The following DSCAML1 variants were observed in gnomAD, a reference collection of about 807,000 sequenced individuals.
DSCAML1 encodes the protein cell adhesion molecule DSCAML1.
Under a neutral mutation model 200.5 loss-of-function variants are expected in DSCAML1, and 38 were observed. That is an observed-to-expected ratio of 0.19 (90% CI 0.15 to 0.25). The LOEUF (loss-of-function observed/expected upper bound fraction) is 0.25, where lower values mean the gene tolerates loss of function less well. Ranked by LOEUF, DSCAML1 falls within the 10% of genes least tolerant of loss-of-function variation. The probability of loss-of-function intolerance (pLI) is 1.00; values close to 1 mark genes in which losing one functional copy is unlikely to be tolerated. For synonymous variants in DSCAML1, 1,215 were observed against 1,165.0 expected (o/e 1.04, Z -0.87); for missense variants, 2,223 against 2,858.8 (o/e 0.78, Z 5.07).
intron 3 of DSCAML1, among the ~76,000 whole-genome samples, chr11:117,703,771 A>G (rs556902412): frequency 4.6e-4 from 70 of 152,240 alleles, no homozygotes; most frequent in Non-Finnish European, 9.1e-4. Flanking sequence ...CAAAATGTCT[A>G]TCTCTAGAGC....
intron 3 of DSCAML1, among the ~76,000 whole-genome samples, chr11:117,638,636 GT>G (rs1004590872): frequency 6.6e-6 from 1 of 152,206 alleles, no homozygotes; most frequent in East Asian, 1.9e-4. Context: ...ACAATATGTA[GT>G]TTTTTTGACT....
At position 117,559,908 on chromosome 11, in the gene DSCAML1, G is replaced by T. The variant is rs191332797; in HGVS notation, c.512-27386C>A. ...ATACAGGAAGGAAGGGCCTAGAGTT[G>T]GGGGGAGGGGCAAAGGGCTAGGTAG... On this transcript the variant is annotated intron_variant, in intron 3 of 32. Transcript: ENST00000651296. 1.1e-3 allele frequency among the ~76,000 whole-genome samples: 172 copies of T among 152,176 alleles called. 5 individuals are homozygous for T. Among genetic ancestry groups the T allele is most frequent in the Admixed American group, 0.011 (170 of 15,298 alleles).
chr11:117,646,660 A>C (rs2052528059), intron 3 of DSCAML1, among the ~76,000 whole-genome samples: 1 of 152,176 alleles, frequency 6.6e-6, no homozygotes, highest in Non-Finnish European at 1.5e-5. Context: ...ATGGTTAGTG[A>C]CATCGTGTTG....
intron 3 of DSCAML1, among the ~76,000 whole-genome samples, chr11:117,712,774 C>T (rs1018077485): frequency 2.0e-5 from 3 of 151,980 alleles, no homozygotes; most frequent in African/African-American, 7.3e-5. Flanking sequence ...AAGTGACGAC[C>T]GTTCTCGCCA....
At chr11:117,743,047 C>T (rs2054451193) in intron 3 of DSCAML1, among the ~76,000 whole-genome samples, 1 of 152,232 alleles carries the variant, frequency 6.6e-6, no homozygotes, top group Admixed American at 6.5e-5. Context: ...GTCCATCCAT[C>T]AATCCATTCA....
At chr11:117,714,057 C>A (rs186141079) in intron 3 of DSCAML1, among the ~76,000 whole-genome samples, 5 of 152,280 alleles carry the variant, frequency 3.3e-5, no homozygotes, top group East Asian at 1.9e-4. Flanking sequence ...CCTGAGTCCG[C>A]GTTTCTGCAT....
intron 3 of DSCAML1, among the ~76,000 whole-genome samples, chr11:117,535,276 T>G (rs2137351136): frequency 6.6e-6 from 1 of 152,328 alleles, no homozygotes; most frequent in East Asian, 1.9e-4. Flanking sequence ...ACTTTCCCTC[T>G]CTCTGTCCTT....
At chr11:117,757,573 TACACACACACACACACACACAC>T (rs5795104) in intron 3 of DSCAML1, among the ~76,000 whole-genome samples, 7,656 of 146,892 alleles carry the variant, frequency 0.052, 653 homozygotes, top group African/African-American at 0.17. Flanking sequence ...TAGGAGCCTA[TACACACACACACACACACACAC>T]ACACACACAC....
At chr11:117,602,592 C>G (rs2051485524) in intron 3 of DSCAML1, among the ~76,000 whole-genome samples, 1 of 152,042 alleles carries the variant, frequency 6.6e-6, no homozygotes, top group Non-Finnish European at 1.5e-5. Flanking sequence ...AACTCCTAAG[C>G]TCAAGTGATC....
intron 3 of DSCAML1, among the ~76,000 whole-genome samples, chr11:117,576,417 C>T (rs182586973): frequency 3.9e-5 from 6 of 152,310 alleles, no homozygotes; most frequent in Admixed American, 2.6e-4. Flanking sequence ...AGCACAAGGC[C>T]GCTTTCCCAA....
At chr11:117,785,216 G>A (rs1049116529) in intron 1 of DSCAML1, among the ~76,000 whole-genome samples, 1 of 152,342 alleles carries the variant, frequency 6.6e-6, no homozygotes, top group African/African-American at 2.4e-5. Context: ...AGGGGGAGCA[G>A]GAAAGGGGGT....
chr11:117,681,708 C>T (rs564399160), intron 3 of DSCAML1, among the ~76,000 whole-genome samples: 3 of 152,294 alleles, frequency 2.0e-5, no homozygotes, highest in African/African-American at 7.2e-5. Flanking sequence ...ACAGAAAACC[C>T]ACATGGGAAT....
chr11:117,521,175 G>A lies in DSCAML1; in HGVS notation c.1168C>T (p.Arg390Cys), dbSNP rs745452401. The A allele has an allele frequency of 1.9e-6, 3 of 1,614,150 alleles. No individual in the cohort carries two copies. Among genetic ancestry groups the A allele is most frequent in the South Asian group, 2.2e-5 (2 of 91,078 alleles). Residue 390 changes from arginine to cysteine, a missense_variant, in exon 6 of 33, where the codon CGC (arginine) becomes TGC (cysteine). Arg to Cys is a radical substitution (Grantham distance 180). Coordinates refer to ENST00000651296, the MANE Select transcript of DSCAML1 (RefSeq NM_020693.4). ...HSGAYQCFAT[R>C]KAQTAQDFAI... The stretch of plus-strand genomic sequence containing the variant: ...AAGTCCTGGGCGGTCTGGGCCTTGC[G>A]GGTAGCGAAGCACTGGTAGGCCCCG...
chr11:117,611,845 C>T (rs151238192), intron 3 of DSCAML1: 5 of 152,370 alleles, frequency 3.3e-5, no homozygotes, highest in African/African-American at 1.2e-4. Context: ...TTAAGATACA[C>T]TGTATCTTTT....
intron 3 of DSCAML1, among the ~76,000 whole-genome samples, chr11:117,550,563 G>A (rs1253373696): frequency 6.6e-6 from 1 of 152,186 alleles, no homozygotes; most frequent in Non-Finnish European, 1.5e-5. Flanking sequence ...ACTGGGCTGG[G>A]CATACAGTAA....
chr11:117,590,624 C>T (rs74739433), intron 3 of DSCAML1, among the ~76,000 whole-genome samples: 1,528 of 152,240 alleles, frequency 0.01, 27 homozygotes, highest in African/African-American at 0.035. Context: ...CGAGATGGAG[C>T]ACAGGACTGA....
Position 117,540,628 on chromosome 11 carries a change from G to A in DSCAML1, c.512-8106C>T, listed in dbSNP as rs1196989863. ...TAAAAAGTTGGAATGAGTGATAGGTGGGATTTGAACAATGAAATCACTTGG... is the reference window on the plus strand; with the variant it reads ...TAAAAAGTTGGAATGAGTGATAGGTAGGATTTGAACAATGAAATCACTTGG... On this transcript the variant is annotated intron_variant, in intron 3 of 32. Coordinates refer to ENST00000651296, the MANE Select transcript of DSCAML1 (RefSeq NM_020693.4). Among the ~76,000 whole-genome samples, 13 of 151,990 alleles carry A rather than the reference G, an allele frequency of 8.6e-5. No homozygotes were observed. The East Asian group carries it at 1.9e-3, about 23-fold the overall frequency.
At position 117,481,294 on chromosome 11, in the gene DSCAML1, G is replaced by C. The variant is rs779351442; in HGVS notation, c.2560-24C>G. The C allele has an allele frequency of 2.5e-6, 4 of 1,611,468 alleles. No individual in the cohort carries two copies. The South Asian group carries it at 4.4e-5, about 18-fold the overall frequency. On this transcript the variant is annotated intron_variant, in intron 12 of 32. Transcript: ENST00000651296. Reference sequence around the variant, plus strand: ...AGCTGGGAGACCACCAGCAGGGGCAGGAGAGGGAGTAAACAGGGAGAGTCT... The same window carrying C: ...AGCTGGGAGACCACCAGCAGGGGCACGAGAGGGAGTAAACAGGGAGAGTCT...
At chr11:117,680,302 C>T (rs1429095123) in intron 3 of DSCAML1, among the ~76,000 whole-genome samples, 1 of 152,218 alleles carries the variant, frequency 6.6e-6, no homozygotes, top group East Asian at 1.9e-4. Context: ...AGCCCCCAAG[C>T]CTGGTGGTCC....
Sources: allele counts gnomAD v4.1 joint callset (sites outside exome capture counted in the v4.1 genomes callset), GRCh38; gene constraint gnomAD v4.1.1; transcripts MANE v1.5; gene names NCBI Gene and HGNC (gene_info 2026-07-23, HGNC 2026-07-21).